The following ADAMTSL3 variants were observed in gnomAD, a reference collection of about 807,000 sequenced individuals.
ADAMTSL3 encodes the protein ADAMTS like 3, also known as ADAMTS-like protein 3.
A neutral mutation model predicts 201.7 loss-of-function variants in ADAMTSL3; 128 were observed. The observed-to-expected ratio is 0.63, with a 90% CI of 0.55 to 0.73. The LOEUF (loss-of-function observed/expected upper bound fraction) is 0.73, where lower values mean the gene tolerates loss of function less well. ADAMTSL3 is among the 30% of genes least tolerant of loss of function. The pLI, the probability that ADAMTSL3 is intolerant of heterozygous loss-of-function variation, is 0.00. For missense variants in ADAMTSL3, 1,990 were observed against 2,119.6 expected (o/e 0.94, Z 1.20); for synonymous variants, 738 against 748.4 (o/e 0.99, Z 0.23).
chr15:83,986,051 C>A (rs996073771), intron 21 of ADAMTSL3, among the ~76,000 whole-genome samples: 1 of 152,052 alleles, frequency 6.6e-6, no homozygotes, highest in Non-Finnish European at 1.5e-5. Context: ...TGCTAAGGTG[C>A]CAGCAGTCTT....
At chr15:83,678,793 A>G (rs1479730916) in intron 2 of ADAMTSL3, among the ~76,000 whole-genome samples, 1 of 43,068 alleles carries the variant, frequency 2.3e-5, no homozygotes, top group African/African-American at 1.1e-4. Flanking sequence ...ATATATGTAT[A>G]TATAATATAT....
At chr15:83,966,032 C>T (rs901549872) in intron 19 of ADAMTSL3, among the ~76,000 whole-genome samples, 2 of 152,146 alleles carry the variant, frequency 1.3e-5, no homozygotes, top group African/African-American at 4.8e-5. Flanking sequence ...ACAGCTAAAG[C>T]AGTGTTTAGA....
At chr15:84,026,030 G>A (rs930119093) in intron 27 of ADAMTSL3, among the ~76,000 whole-genome samples, 8 of 152,110 alleles carry the variant, frequency 5.3e-5, no homozygotes, top group African/African-American at 1.7e-4. Context: ...AGATAATTCT[G>A]GCATTCACAT....
At chr15:83,763,500 A>G (rs544738295) in intron 3 of ADAMTSL3, among the ~76,000 whole-genome samples, 8 of 150,378 alleles carry the variant, frequency 5.3e-5, no homozygotes, top group Non-Finnish European at 8.9e-5. Flanking sequence ...ACCTTAACAA[A>G]TAATTCTTTT....
chr15:84,037,956 G>A lies in ADAMTSL3; in HGVS notation c.*150G>A, dbSNP rs2068541109. 8.2e-7 allele frequency: 1 copy of A among 1,215,716 alleles called. No homozygotes were observed. The highest frequency in any genetic ancestry group is 1.1e-6 in the Non-Finnish European group (1 of 917,246). 75.3% of individuals were successfully genotyped at this position (1,215,716 alleles called of 1,614,324 possible). On this transcript the variant is annotated 3_prime_UTR_variant, in exon 30 of 30. Transcript: ENST00000286744. ...TTGATGCAAAAACACCACTGTTAAG[G>A]TGTAAAGTGAAATTTTCCAATGGTA...
chr15:83,983,699 G>A (rs184420310), intron 21 of ADAMTSL3, among the ~76,000 whole-genome samples: 1 of 152,268 alleles, frequency 6.6e-6, no homozygotes, highest in African/African-American at 2.4e-5. Context: ...CATTATGTTG[G>A]AACTGCAAAT....
chr15:83,657,758 A>G (rs1289834721), intron 2 of ADAMTSL3, among the ~76,000 whole-genome samples: 2 of 152,196 alleles, frequency 1.3e-5, no homozygotes, highest in Non-Finnish European at 2.9e-5. Context: ...AAGAGGTATC[A>G]GCTGTGGAGG....
At chr15:83,771,588 A>T (rs1001801094) in intron 3 of ADAMTSL3, among the ~76,000 whole-genome samples, 1 of 152,170 alleles carries the variant, frequency 6.6e-6, no homozygotes, top group African/African-American at 2.4e-5. Flanking sequence ...TGTCCTCAAG[A>T]TTCATCCATA....
At chr15:84,029,339 T>G (rs2068361940) in intron 27 of ADAMTSL3, among the ~76,000 whole-genome samples, 1 of 152,170 alleles carries the variant, frequency 6.6e-6, no homozygotes, top group Non-Finnish European at 1.5e-5. Context: ...ATGAGGAACT[T>G]CTTGGGAACT....
In ADAMTSL3 at chr15:83,654,239, C is replaced by A. The variant is rs574035472; in HGVS notation, c.-71C>A. On this transcript the variant is annotated 5_prime_UTR_variant, in exon 1 of 30. Coordinates refer to ENST00000286744, the MANE Select transcript of ADAMTSL3 (RefSeq NM_207517.3). This position sits in a 1 kb window ranked among gnomAD's most constrained non-coding sequence, Gnocchi z 5.3. ...CCAGCGCGCGCCGAGCCCGCGCGGC[C>A]CCGGGGCTGCACGTCCCAGATACTT... The A allele has an allele frequency of 6.6e-6, 1 of 152,210 alleles. No individual in the cohort carries two copies. The highest frequency in any genetic ancestry group is 2.4e-5 in the African/African-American group (1 of 41,442). 9.4% of individuals were successfully genotyped at this position (152,210 alleles called of 1,614,324 possible). A position where few individuals can be genotyped will look rare whatever the true frequency, so the allele number is the denominator to read the frequency against.
intron 3 of ADAMTSL3, among the ~76,000 whole-genome samples, chr15:83,762,534 G>A (rs1300429991): frequency 6.6e-6 from 1 of 152,160 alleles, no homozygotes; most frequent in African/African-American, 2.4e-5. Context: ...CCAAGATGGT[G>A]CCTTGTTGCC....
At chr15:83,848,174 C>CA (rs144742752) in intron 7 of ADAMTSL3, among the ~76,000 whole-genome samples, 4,200 of 150,566 alleles carry the variant, frequency 0.028, 176 homozygotes, top group African/African-American at 0.098. Context: ...AAACACACAC[C>CA]AAAAAAATAA....
chr15:83,910,829 G>A (rs1024460101), intron 15 of ADAMTSL3, among the ~76,000 whole-genome samples: 3 of 150,104 alleles, frequency 2.0e-5, no homozygotes, highest in Non-Finnish European at 3.0e-5. Flanking sequence ...AAGTAGAGAC[G>A]GAGTTTCGCC....
intron 2 of ADAMTSL3, among the ~76,000 whole-genome samples, chr15:83,664,327 A>C (rs923128489): frequency 2.0e-4 from 30 of 151,614 alleles, no homozygotes; most frequent in African/African-American, 7.3e-4. Context: ...TCAGCACCTC[A>C]GAGGGGCTTC....
intron 3 of ADAMTSL3, among the ~76,000 whole-genome samples, chr15:83,707,260 C>T (rs975063226): frequency 7.9e-5 from 12 of 152,136 alleles, no homozygotes; most frequent in Admixed American, 6.5e-4. Context: ...CTTATGTAGG[C>T]GTTAATTCAT....
At chr15:83,877,157 C>G (rs2065192365) in intron 9 of ADAMTSL3, among the ~76,000 whole-genome samples, 1 of 152,138 alleles carries the variant, frequency 6.6e-6, no homozygotes, top group Non-Finnish European at 1.5e-5. Context: ...CCAGGCTGGT[C>G]TCAAACTCCT....
intron 19 of ADAMTSL3, among the ~76,000 whole-genome samples, chr15:83,956,344 G>T (rs2066861664): frequency 6.6e-6 from 1 of 152,222 alleles, no homozygotes; most frequent in South Asian, 2.1e-4. Flanking sequence ...CTTCTTCAGT[G>T]CCTCTTTCAG....
chr15:83,780,577 A>T (rs372056456), intron 4 of ADAMTSL3, among the ~76,000 whole-genome samples: 2 of 152,006 alleles, frequency 1.3e-5, no homozygotes, highest in African/African-American at 4.8e-5. Flanking sequence ...CTCTCTCACT[A>T]CTCCTATTCA....
intron 23 of ADAMTSL3, among the ~76,000 whole-genome samples, chr15:84,001,721 G>T (rs768774534): frequency 6.6e-6 from 1 of 152,148 alleles, no homozygotes; most frequent in Non-Finnish European, 1.5e-5. Context: ...AACCTCCAGG[G>T]CTCAACCTCA....
Sources: gnomAD v4.1 joint callset for allele counts (sites outside exome capture counted in the v4.1 genomes callset) on GRCh38, gnomAD v4.1.1 for gene constraint, Gnocchi (gnomAD v3.1) non-coding constraint, MANE v1.5 for transcripts, NCBI Gene and HGNC (gene_info 2026-07-23, HGNC 2026-07-21) for gene names.